POLG2: variants seen among roughly 807,000 people sequenced by gnomAD.
POLG2 encodes DNA polymerase gamma 2, accessory subunit, also known as DNA polymerase subunit gamma-2.
A neutral mutation model predicts 56.5 loss-of-function variants in POLG2; 50 were observed. The observed-to-expected ratio is 0.88, with a 90% confidence interval of 0.71 to 1.12. The LOEUF is 1.12. Ranked by LOEUF, POLG2 falls within the 50% of genes most tolerant of loss-of-function variation. The pLI is 0.00. For synonymous variants in POLG2, 226 were observed against 222.6 expected, an observed-to-expected ratio of 1.02 and a Z score of -0.14; for missense variants, 584 against 583.3, an observed-to-expected ratio of 1.00 and a Z score of -0.01.
chr17:64,496,531 C>G lies in POLG2; in HGVS notation c.438G>C (p.Arg146Ser), dbSNP rs989116374. ...CGCGTAGAGTTTCTGCAGAAACTAACCTGAAGGCACTGTCCCCGGGTAGCA... is the reference window on the plus strand; with the variant it reads ...CGCGTAGAGTTTCTGCAGAAACTAAGCTGAAGGCACTGTCCCCGGGTAGCA... ...GPLLPGDSAF[R>S]LVSAETLREI... Residue 146 changes from arginine to serine, a missense_variant, in exon 1 of 8, where the codon AGG becomes AGC. Transcript: ENST00000539111. 5 of 1,613,784 alleles carry G rather than the reference C, an allele frequency of 3.1e-6. No individual in the cohort carries two copies. The highest frequency in any genetic ancestry group is 4.2e-6 in the Non-Finnish European group (5 of 1,179,722).
At chr17:64,492,451 T>C (rs2038077193) in intron 3 of POLG2, among the ~76,000 whole-genome samples, 1 of 152,210 alleles carries the variant, frequency 6.6e-6, no homozygotes, top group South Asian at 2.1e-4. Context: ...ACAGAAAGGC[T>C]AATTAACAAA....
intron 6 of POLG2, among the ~76,000 whole-genome samples, chr17:64,480,607 C>G (rs1555666336): frequency 6.6e-6 from 1 of 152,134 alleles, no homozygotes. Flanking sequence ...AAGCTGAATA[C>G]TAAATGCCAA....
rs193076471 is a variant in POLG2 at position 64,485,579 on chromosome 17, C to T, written c.1110+149G>A. The T allele has an allele frequency of 7.3e-6, 5 of 685,616 alleles. No homozygotes were observed. In the Admixed American group the frequency reaches 1.2e-4, roughly 16 times the overall value. 42.5% of individuals were successfully genotyped at this position (685,616 alleles called of 1,614,324 possible). On this transcript the variant is annotated intron_variant, in intron 5 of 7. Coordinates refer to ENST00000539111, the MANE Select transcript of POLG2 (RefSeq NM_007215.4). ...AGAACCTGATTCTTATTCCTGTGGC[C>T]AGATTCTAAAAAAACTGAAAAATAC... is the stretch of plus-strand genomic sequence containing the variant.
At chr17:64,496,335 C>A in intron 1 of POLG2, 72 bp downstream of exon 1, 2 of 998,772 alleles carry the variant, frequency 2.0e-6, no homozygotes, top group Non-Finnish European at 3.0e-6. Flanking sequence ...AGTTGCAATC[C>A]CCAAGATCCA....
At chr17:64,493,059 C>A (rs782117011) in intron 1 of POLG2, 38 bp from the exon 2 acceptor site, 69 of 1,609,384 alleles carry the variant, frequency 4.3e-5, no homozygotes, top group Non-Finnish European at 8.5e-7. Flanking sequence ...TACATCTAGT[C>A]CACAAACCCA....
chr17:64,483,129 T>G lies in POLG2; in HGVS notation c.1111-130A>C, dbSNP rs568534277. 134 of 580,954 alleles carry G rather than the reference T, an allele frequency of 2.3e-4. No homozygotes were observed. In the African/African-American group the frequency reaches 2.3e-3, roughly 10 times the overall value. 36.0% of individuals were successfully genotyped at this position (580,954 alleles called of 1,614,324 possible). A position where few individuals can be genotyped will look rare whatever the true frequency, so the allele number is the denominator to read the frequency against. ...TTCTTAACAGTTATAATTTTCTGTGTGAAAACAGAAGTTAGCTGAGGTCAT... is the reference window on the plus strand; with the variant it reads ...TTCTTAACAGTTATAATTTTCTGTGGGAAAACAGAAGTTAGCTGAGGTCAT... On this transcript the variant is annotated intron_variant, in intron 5 of 7. Coordinates refer to ENST00000539111, the MANE Select transcript of POLG2 (RefSeq NM_007215.4).
In POLG2 at chr17:64,492,739, C is replaced by T; in HGVS notation, c.723G>A (p.Trp241Ter). The T allele has an allele frequency of 6.2e-7, 1 of 1,613,010 alleles. No individual in the cohort carries two copies. The highest frequency in any genetic ancestry group is 8.5e-7 in the Non-Finnish European group (1 of 1,179,394). ...GGTTTGAAGTTCTCGGAGGAGTAAA[C>T]CATACTAACGAAGCTTCAGTCTTCT... is the stretch of plus-strand genomic sequence containing the variant. The part of the protein sequence containing the change: ...IGEKTEASLV[W>*]FTPPRTSNQW... Residue 241 changes from tryptophan to a stop codon, truncating the protein, a stop_gained, in exon 3 of 8, where the codon TGG becomes TGA. Transcript: ENST00000539111. LOFTEE classifies it high-confidence loss of function.
Position 64,496,997 on chromosome 17 carries a change from C to A in POLG2, c.-29G>T, listed in dbSNP as rs1178492391. 1 of 1,586,076 alleles carries A rather than the reference C, an allele frequency of 6.3e-7. No individual in the cohort carries two copies. Among genetic ancestry groups the A allele is most frequent in the South Asian group, 1.1e-5 (1 of 90,754 alleles). ...TCTCCGAAGTTAAAGAGCACACTCT[C>A]CCATCACTCAACGGATCCCAACAAG... is the stretch of plus-strand genomic sequence containing the variant. On this transcript the variant is annotated 5_prime_UTR_variant, in exon 1 of 8. Coordinates refer to ENST00000539111, the MANE Select transcript of POLG2 (RefSeq NM_007215.4).
At chr17:64,487,494 A>C (rs782074576) in intron 4 of POLG2, 2 of 151,860 alleles carry the variant, frequency 1.3e-5, no homozygotes, top group Admixed American at 6.6e-5. Flanking sequence ...CATGCTTGTA[A>C]TCCCAGCTAC....
chr17:64,480,707 A>T (rs1227277887), intron 6 of POLG2, among the ~76,000 whole-genome samples: 1 of 152,196 alleles, frequency 6.6e-6, no homozygotes, highest in African/African-American at 2.4e-5. Context: ...ATTCTGTCAG[A>T]AAAAAACCAG....
chr17:64,496,386 G>A, intron 1 of POLG2, 21 bp downstream of exon 1: 1 of 1,509,314 alleles, frequency 6.6e-7, no homozygotes, highest in Non-Finnish European at 9.0e-7. Flanking sequence ...CTGTTTTGAA[G>A]CATGAAATCG....
chr17:64,494,084 G>A (rs559356889), intron 1 of POLG2, among the ~76,000 whole-genome samples: 1 of 152,162 alleles, frequency 6.6e-6, no homozygotes, highest in African/African-American at 2.4e-5. Context: ...TAAGATTCAT[G>A]TACTGCATTC....
intron 1 of POLG2, among the ~76,000 whole-genome samples, chr17:64,494,712 G>A (rs2038120696): frequency 6.6e-6 from 1 of 152,126 alleles, no homozygotes. Flanking sequence ...GATGTGGCCA[G>A]TGACAACCCT....
chr17:64,491,851 C>A (rs78911848), intron 3 of POLG2: 6,102 of 326,070 alleles, frequency 0.019, 379 homozygotes, highest in African/African-American at 0.13. Context: ...ATAAGCAACA[C>A]AATCTCGATT....
At chr17:64,478,822 G>A (rs1477358878) in intron 7 of POLG2, among the ~76,000 whole-genome samples, 3 of 151,974 alleles carry the variant, frequency 2.0e-5, no homozygotes, top group African/African-American at 4.8e-5. Context: ...GCTTGAACAC[G>A]GGAGGCAGAG....
chr17:64,486,888 A>G (rs1268672995), intron 4 of POLG2: 1 of 152,234 alleles, frequency 6.6e-6, no homozygotes, highest in Non-Finnish European at 1.5e-5. Context: ...GTATTGATAA[A>G]CAGACTTACT....
chr17:64,494,600 G>T (rs921405692), intron 1 of POLG2, among the ~76,000 whole-genome samples: 2 of 151,804 alleles, frequency 1.3e-5, no homozygotes, highest in African/African-American at 4.8e-5. Flanking sequence ...GACCTCTAGG[G>T]TCAATTATTT....
At chr17:64,488,618 T>C (rs1203797441) in intron 4 of POLG2, among the ~76,000 whole-genome samples, 8 of 152,302 alleles carry the variant, frequency 5.3e-5, no homozygotes, top group Middle Eastern at 3.4e-3. Context: ...AGTCACAAGG[T>C]TGAGCTGTTC....
intron 4 of POLG2, among the ~76,000 whole-genome samples, chr17:64,490,068 G>A (rs2144182834): frequency 6.6e-6 from 1 of 152,086 alleles, no homozygotes; most frequent in Non-Finnish European, 1.5e-5. Context: ...GAGACTATAA[G>A]GGCAAGCCAC....
Sources: allele counts gnomAD v4.1 joint callset (sites outside exome capture counted in the v4.1 genomes callset), GRCh38; gene constraint gnomAD v4.1.1; transcripts MANE v1.5; gene names NCBI Gene and HGNC (gene_info 2026-07-23, HGNC 2026-07-21).